DTWD2: variants seen among roughly 807,000 people sequenced by gnomAD.
DTWD2 encodes the protein tRNA-uridine aminocarboxypropyltransferase 2.
A neutral mutation model predicts 31.8 loss-of-function variants in DTWD2; 39 were observed. The ratio of observed to expected loss-of-function variants is 1.22; its 90% CI spans 0.95 to 1.60. DTWD2 has a LOEUF of 1.60. Ranked by LOEUF, DTWD2 falls within the 40% of genes most tolerant of loss-of-function variation. The probability of loss-of-function intolerance (pLI) is 0.00; values close to 1 mark genes in which losing one functional copy is unlikely to be tolerated. For synonymous variants in DTWD2, 180 were observed against 142.8 expected (o/e 1.26, Z -1.86); for missense variants, 515 against 381.5 (o/e 1.35, Z -2.92).
chr5:118,904,841 C>A (rs1222406166), intron 4 of DTWD2, among the ~76,000 whole-genome samples: 2 of 152,046 alleles, frequency 1.3e-5, no homozygotes, highest in Admixed American at 1.3e-4. Context: ...CTAAAGTCTA[C>A]AATACAAACA....
In DTWD2 at chr5:118,971,697, T is replaced by C. The variant is rs187923386; in HGVS notation, c.218+16597A>G. 1.2e-4 allele frequency among the ~76,000 whole-genome samples: 18 copies of C among 152,298 alleles called. No homozygotes were observed. In the East Asian group the frequency reaches 3.3e-3, roughly 28 times the overall value. On this transcript the variant is annotated intron_variant, in intron 1 of 5. Coordinates refer to ENST00000510708, the MANE Select transcript of DTWD2 (RefSeq NM_173666.4). ...AATATATATTTTTCTCCTAGACACA[T>C]GGCACTTACTCAAAAATTGATCACA...
chr5:118,852,884 T>TA (rs112309846), intron 4 of DTWD2, among the ~76,000 whole-genome samples: 4 of 151,334 alleles, frequency 2.6e-5, no homozygotes, highest in South Asian at 4.2e-4. Context: ...TATGCATTCA[T>TA]AAAAAAAAAT....
intron 3 of DTWD2, among the ~76,000 whole-genome samples, chr5:118,936,880 A>T (rs1214754674): frequency 2.6e-5 from 4 of 152,154 alleles, no homozygotes; most frequent in Admixed American, 2.6e-4. Context: ...AAATTACCTA[A>T]ATCAGGAATT....
At chr5:118,944,378 A>G (rs1754282080) in intron 2 of DTWD2, among the ~76,000 whole-genome samples, 181 bp downstream of exon 2, 1 of 152,346 alleles carries the variant, frequency 6.6e-6, no homozygotes, top group East Asian at 1.9e-4. Context: ...TCTCTAGAGC[A>G]TAAGACTCTA....
At chr5:118,890,257 A>G (rs1752949165) in intron 4 of DTWD2, among the ~76,000 whole-genome samples, 1 of 152,190 alleles carries the variant, frequency 6.6e-6, no homozygotes, top group African/African-American at 2.4e-5. Context: ...ATTAAGTCAT[A>G]TTGTTTGTCC....
At chr5:118,942,472 T>G (rs1754228606) in intron 2 of DTWD2, among the ~76,000 whole-genome samples, 2 of 151,880 alleles carry the variant, frequency 1.3e-5, no homozygotes. Flanking sequence ...AACCATGGAT[T>G]AATAATGGTC....
At chr5:118,845,234 C>T (rs1334136234) in intron 5 of DTWD2, among the ~76,000 whole-genome samples, 2 of 152,062 alleles carry the variant, frequency 1.3e-5, no homozygotes, top group African/African-American at 4.8e-5. Flanking sequence ...CTATTCTCCC[C>T]CACCATCTTA....
At chr5:118,910,399 A>G (rs1293244794) in intron 4 of DTWD2, among the ~76,000 whole-genome samples, 2 of 152,126 alleles carry the variant, frequency 1.3e-5, no homozygotes, top group African/African-American at 2.4e-5. Flanking sequence ...CTTTCCTCTC[A>G]TTTCCAATAA....
intron 3 of DTWD2, among the ~76,000 whole-genome samples, chr5:118,938,441 A>C (rs1231288660): frequency 6.6e-6 from 1 of 152,168 alleles, no homozygotes; most frequent in African/African-American, 2.4e-5. Context: ...TATGTCTCTT[A>C]ATCATTCCCC....
chr5:118,941,244 G>C (rs1754191803), intron 2 of DTWD2, among the ~76,000 whole-genome samples: 1 of 152,086 alleles, frequency 6.6e-6, no homozygotes, highest in Non-Finnish European at 1.5e-5. Flanking sequence ...TGTTACATAT[G>C]TATACATGTG....
intron 1 of DTWD2, among the ~76,000 whole-genome samples, chr5:118,968,734 G>T (rs1754911922): frequency 6.6e-6 from 1 of 152,204 alleles, no homozygotes; most frequent in African/African-American, 2.4e-5. Flanking sequence ...CAGGAATTTT[G>T]CATACTCTGG....
chr5:118,916,239 G>C (rs999622840), intron 4 of DTWD2, among the ~76,000 whole-genome samples: 2 of 152,214 alleles, frequency 1.3e-5, no homozygotes, highest in African/African-American at 4.8e-5. Flanking sequence ...TCACCTTCTA[G>C]TGTTTACCGT....
At chr5:118,952,178 G>A (rs1242281155) in intron 1 of DTWD2, among the ~76,000 whole-genome samples, 2 of 152,316 alleles carry the variant, frequency 1.3e-5, no homozygotes, top group South Asian at 2.1e-4. Context: ...ACCAGAGGTC[G>A]TAGATGGATC....
chr5:118,894,367 T>C (rs1008779107), intron 4 of DTWD2, among the ~76,000 whole-genome samples: 5 of 151,948 alleles, frequency 3.3e-5, no homozygotes. Flanking sequence ...TACACAGAAA[T>C]GCGGAATAAA....
chr5:118,983,684 T>G (rs1158861723), intron 1 of DTWD2, among the ~76,000 whole-genome samples: 1 of 152,204 alleles, frequency 6.6e-6, no homozygotes, highest in African/African-American at 2.4e-5. Context: ...GCAGACTTAG[T>G]GATGCCATTT....
intron 4 of DTWD2, among the ~76,000 whole-genome samples, chr5:118,879,460 A>C (rs1752691450): frequency 6.6e-6 from 1 of 151,960 alleles, no homozygotes; most frequent in Non-Finnish European, 1.5e-5. Flanking sequence ...AAATATTAAA[A>C]TTAGCTGGGC....
chr5:118,902,390 T>C (rs1000317193), intron 4 of DTWD2, among the ~76,000 whole-genome samples: 13 of 152,244 alleles, frequency 8.5e-5, no homozygotes, highest in African/African-American at 3.1e-4. Flanking sequence ...ACAACCATAA[T>C]CTATTTATAC....
chr5:118,922,752 C>T (rs574970246), intron 4 of DTWD2, among the ~76,000 whole-genome samples: 19 of 152,234 alleles, frequency 1.2e-4, no homozygotes, highest in African/African-American at 4.6e-4. Context: ...TGCTTAGTCA[C>T]ACTTTTAAAT....
intron 4 of DTWD2, among the ~76,000 whole-genome samples, chr5:118,856,998 A>C (rs971467716): frequency 6.6e-6 from 1 of 151,892 alleles, no homozygotes; most frequent in African/African-American, 2.4e-5. Context: ...GCTGGTCTCG[A>C]ACACCTGACC....
Sources: gnomAD v4.1 joint callset for allele counts (sites outside exome capture counted in the v4.1 genomes callset) on GRCh38, gnomAD v4.1.1 for gene constraint, MANE v1.5 for transcripts, NCBI Gene and HGNC (gene_info 2026-07-23, HGNC 2026-07-21) for gene names.